The following SPOCK1 variants were observed in gnomAD, a reference collection of about 807,000 sequenced individuals.
SPOCK1 encodes the protein SPARC (osteonectin), cwcv and kazal like domains proteoglycan 1, also known as testican-1.
Under a neutral mutation model 55.3 loss-of-function variants are expected in SPOCK1, and 23 were observed. The ratio of observed to expected loss-of-function variants is 0.42; its 90% CI spans 0.30 to 0.59. The LOEUF (loss-of-function observed/expected upper bound fraction) is 0.59. Among genes scored for constraint, SPOCK1 ranks in the 20% least tolerant of loss-of-function variants. The pLI, the probability that SPOCK1 is intolerant of heterozygous loss-of-function variation, is 0.22. For synonymous variants in SPOCK1, 226 were observed against 221.0 expected, an observed-to-expected ratio of 1.02 and a Z score of -0.20; for missense variants, 499 against 552.5, an observed-to-expected ratio of 0.90 and a Z score of 0.97.
intron 3 of SPOCK1, among the ~76,000 whole-genome samples, chr5:137,256,106 T>C (rs1286594676): frequency 1.3e-5 from 2 of 152,160 alleles, no homozygotes; most frequent in East Asian, 3.9e-4. Flanking sequence ...TTTTGTTCTT[T>C]GGGAAGTGGC....
chr5:136,994,654 C>A (rs890376058), intron 6 of SPOCK1, among the ~76,000 whole-genome samples: 7 of 151,236 alleles, frequency 4.6e-5, no homozygotes, highest in African/African-American at 1.7e-4. Context: ...CTGGCTTTAG[C>A]CACATAAAAT....
intron 6 of SPOCK1, among the ~76,000 whole-genome samples, chr5:137,023,271 A>T (rs1263353787): frequency 1.3e-5 from 2 of 152,216 alleles, no homozygotes; most frequent in East Asian, 3.8e-4. Context: ...CATTGAGAGC[A>T]CTTGTTCACT....
intron 2 of SPOCK1, among the ~76,000 whole-genome samples, chr5:137,468,507 A>T (rs1336295567): frequency 6.6e-6 from 1 of 152,218 alleles, no homozygotes; most frequent in Non-Finnish European, 1.5e-5. Context: ...ACAGTTGCTC[A>T]TTATAGCCAC....
At position 137,486,130 on chromosome 5, in the gene SPOCK1, G is replaced by T. The variant is rs140401279; in HGVS notation, c.186+12243C>A. On this transcript the variant is annotated intron_variant, in intron 2 of 10. Coordinates refer to ENST00000394945, the MANE Select transcript of SPOCK1 (RefSeq NM_004598.4). ...AAACTCACCATACTTCAGCATTTAT[G>T]CACACACAAGTTCTGTCTTGTCTGA... Among the ~76,000 whole-genome samples the T allele has an allele frequency of 4.2e-3, 642 of 152,304 alleles. 4 individuals are homozygous for T. The highest frequency in any genetic ancestry group is 5.6e-3 in the Non-Finnish European group (378 of 68,026).
At chr5:137,457,770 G>C (rs1218890499) in intron 2 of SPOCK1, among the ~76,000 whole-genome samples, 1 of 152,106 alleles carries the variant, frequency 6.6e-6, no homozygotes, top group Non-Finnish European at 1.5e-5. Flanking sequence ...ATTTCAACAA[G>C]AACATATTGG....
chr5:137,480,233 A>G (rs1305635044), intron 2 of SPOCK1, among the ~76,000 whole-genome samples: 1 of 152,008 alleles, frequency 6.6e-6, no homozygotes. Context: ...CTGCCCATAC[A>G]TGTTTGGTAA....
intron 2 of SPOCK1, among the ~76,000 whole-genome samples, chr5:137,297,443 T>C (rs1354357691): frequency 1.3e-5 from 2 of 152,036 alleles, no homozygotes; most frequent in Non-Finnish European, 2.9e-5. Context: ...GAAGCAAATA[T>C]AAAAAAAACT....
chr5:137,128,330 G>C (rs1204553119), intron 4 of SPOCK1, among the ~76,000 whole-genome samples: 1 of 152,162 alleles, frequency 6.6e-6, no homozygotes, highest in Admixed American at 6.5e-5. Context: ...AATGGACTAA[G>C]ATAACAACTG....
intron 3 of SPOCK1, among the ~76,000 whole-genome samples, chr5:137,196,232 C>T (rs1755296195): frequency 1.3e-5 from 2 of 149,966 alleles, no homozygotes; most frequent in South Asian, 2.1e-4. Context: ...TGTACAGCAA[C>T]AGTCTCCCAA....
intron 6 of SPOCK1, among the ~76,000 whole-genome samples, chr5:137,010,799 C>T (rs932399704): frequency 2.0e-5 from 3 of 152,114 alleles, no homozygotes; most frequent in Admixed American, 6.6e-5. Context: ...TACCACATGC[C>T]GAAATTGGGT....
intron 3 of SPOCK1, among the ~76,000 whole-genome samples, chr5:137,223,160 G>A (rs1279233094): frequency 6.6e-6 from 1 of 152,152 alleles, no homozygotes; most frequent in Non-Finnish European, 1.5e-5. Context: ...AGAGACTGAG[G>A]ATGGAGACAG....
At chr5:137,338,608 T>C (rs1750341757) in intron 2 of SPOCK1, among the ~76,000 whole-genome samples, 2 of 151,920 alleles carry the variant, frequency 1.3e-5, no homozygotes, top group Admixed American at 1.3e-4. Context: ...ACTTCCACAA[T>C]GGTTGAACTA....
chr5:137,376,692 T>A (rs1158546950), intron 2 of SPOCK1, among the ~76,000 whole-genome samples: 1 of 152,210 alleles, frequency 6.6e-6, no homozygotes, highest in African/African-American at 2.4e-5. Context: ...TGGACTTATC[T>A]TATTTTCAGG....
intron 6 of SPOCK1, among the ~76,000 whole-genome samples, chr5:137,064,463 A>T (rs74947893): frequency 0.013 from 1,953 of 152,294 alleles, 38 homozygotes; most frequent in African/African-American, 0.044. Flanking sequence ...CAATAGGCAC[A>T]GAAATAAGAC....
At chr5:137,013,835 TAA>T (rs1363720507) in intron 6 of SPOCK1, among the ~76,000 whole-genome samples, 1 of 152,176 alleles carries the variant, frequency 6.6e-6, no homozygotes, top group Non-Finnish European at 1.5e-5. Context: ...CTAATATTGC[TAA>T]GAGTGTTATA....
intron 6 of SPOCK1, among the ~76,000 whole-genome samples, chr5:137,008,181 C>G (rs1055386538): frequency 6.6e-6 from 1 of 151,840 alleles, no homozygotes; most frequent in African/African-American, 2.4e-5. Context: ...GGAGAAATAC[C>G]TAATGTAGAC....
chr5:137,310,019 C>T (rs995336594), intron 2 of SPOCK1, among the ~76,000 whole-genome samples: 3 of 152,094 alleles, frequency 2.0e-5, no homozygotes, highest in African/African-American at 7.2e-5. Flanking sequence ...TGTACAATAA[C>T]CCCAGAGGCA....
intron 2 of SPOCK1, among the ~76,000 whole-genome samples, chr5:137,429,138 A>G (rs139938200): frequency 4.3e-4 from 66 of 152,076 alleles, no homozygotes; most frequent in African/African-American, 1.4e-3. Context: ...CTTTTCTCCT[A>G]TTCACTCATT....
intron 2 of SPOCK1, among the ~76,000 whole-genome samples, chr5:137,367,395 T>C (rs1485815673): frequency 2.0e-5 from 3 of 152,114 alleles, no homozygotes; most frequent in Non-Finnish European, 4.4e-5. Flanking sequence ...GAAGTTCAGG[T>C]TTACAGAAAC....
Sources: allele counts gnomAD v4.1 joint callset (sites outside exome capture counted in the v4.1 genomes callset), GRCh38; gene constraint gnomAD v4.1.1; transcripts MANE v1.5; gene names NCBI Gene and HGNC (gene_info 2026-07-23, HGNC 2026-07-21).